Variants in NLGN1 observed in about 807,000 individuals in gnomAD.
NLGN1 encodes the protein neuroligin-1.
In NLGN1, 12 loss-of-function variants were observed where a neutral mutation model predicts 65.5. The ratio of observed to expected loss-of-function variants is 0.18; its 90% confidence interval spans 0.12 to 0.30. The LOEUF is 0.30. Ranked by LOEUF, NLGN1 falls within the 10% of genes least tolerant of loss-of-function variation. The probability of loss-of-function intolerance (pLI) is 1.00; values close to 1 mark genes in which losing one functional copy is unlikely to be tolerated. For synonymous variants in NLGN1, 350 were observed against 359.5 expected (o/e 0.97, Z 0.30); for missense variants, 750 against 1,007.1 (o/e 0.74, Z 3.46).
intron 4 of NLGN1, among the ~76,000 whole-genome samples, chr3:174,042,266 T>C (rs1732505816): frequency 6.6e-6 from 1 of 152,128 alleles, no homozygotes; most frequent in Admixed American, 6.6e-5. Flanking sequence ...TTCTTTTGTG[T>C]GATCTGTTTA....
chr3:173,547,416 T>C (rs1283469654), intron 2 of NLGN1, among the ~76,000 whole-genome samples: 1 of 152,166 alleles, frequency 6.6e-6, no homozygotes, highest in Non-Finnish European at 1.5e-5. Flanking sequence ...CATTATGCCT[T>C]TGATAAATGA....
intron 4 of NLGN1, among the ~76,000 whole-genome samples, chr3:173,840,094 C>G (rs1234477260): frequency 1.3e-5 from 2 of 152,152 alleles, no homozygotes; most frequent in Non-Finnish European, 2.9e-5. Flanking sequence ...ATATGTGACT[C>G]TAAATGCCAT....
At chr3:173,807,097 T>C (rs1358446603) in intron 3 of NLGN1, among the ~76,000 whole-genome samples, 3 of 152,260 alleles carry the variant, frequency 2.0e-5, no homozygotes, top group Admixed American at 1.3e-4. Context: ...ATGACTTTCG[T>C]GCCTAAACAT....
At chr3:173,451,360 G>A (rs9833985) in intron 2 of NLGN1, among the ~76,000 whole-genome samples, 1,589 of 152,252 alleles carry the variant, frequency 0.01, 11 homozygotes, top group Middle Eastern at 0.017. Flanking sequence ...CAGCAGCGGC[G>A]GCTGCAGAAC....
intron 3 of NLGN1, among the ~76,000 whole-genome samples, chr3:173,744,059 A>G (rs73050428): frequency 0.012 from 1,773 of 152,252 alleles, 28 homozygotes; most frequent in African/African-American, 0.038. Context: ...TAAAGATATA[A>G]CATGATATAG....
At chr3:173,842,011 A>G (rs144630878) in intron 4 of NLGN1, among the ~76,000 whole-genome samples, 1,787 of 152,316 alleles carry the variant, frequency 0.012, 10 homozygotes, top group Non-Finnish European at 0.02. Flanking sequence ...TACAAAGGAA[A>G]GTGGTTTAAT....
At chr3:173,956,788 G>T (rs1712172740) in intron 4 of NLGN1, among the ~76,000 whole-genome samples, 1 of 152,100 alleles carries the variant, frequency 6.6e-6, no homozygotes, top group Non-Finnish European at 1.5e-5. Context: ...TTGATAAATA[G>T]CATTAAATAT....
At chr3:174,196,671 C>A (rs1271376016) in intron 4 of NLGN1, among the ~76,000 whole-genome samples, 1 of 152,142 alleles carries the variant, frequency 6.6e-6, no homozygotes, top group Non-Finnish European at 1.5e-5. Context: ...ACAAATATTT[C>A]TAGATTTGTT....
In NLGN1 at chr3:173,813,924, G is replaced by A. The variant is rs1056172546; in HGVS notation, c.646+6092G>A. 2.0e-5 allele frequency among the ~76,000 whole-genome samples: 3 copies of A among 152,308 alleles called. No homozygotes were observed. The Middle Eastern group carries it at 0.01, about 518-fold the overall frequency. On this transcript the variant is annotated intron_variant, in intron 4 of 6. Coordinates refer to ENST00000457714, the Ensembl canonical transcript of NLGN1. Reference sequence around the variant, plus strand: ...ATACAGGAATTGTGTGATAGTCTTCGTGTCATTATAAGATGCAAAAATATT... The same window carrying A: ...ATACAGGAATTGTGTGATAGTCTTCATGTCATTATAAGATGCAAAAATATT...
At chr3:173,943,465 A>G (rs905671625) in intron 4 of NLGN1, among the ~76,000 whole-genome samples, 3 of 152,174 alleles carry the variant, frequency 2.0e-5, no homozygotes, top group African/African-American at 4.8e-5. Flanking sequence ...ACCTAAGTCT[A>G]TAACTCAGCT....
chr3:173,770,470 T>C (rs1484611991), intron 3 of NLGN1, among the ~76,000 whole-genome samples: 1 of 152,202 alleles, frequency 6.6e-6, no homozygotes, highest in East Asian at 1.9e-4. Flanking sequence ...GTCATATGGA[T>C]ACTTAATTAC....
intron 3 of NLGN1, among the ~76,000 whole-genome samples, chr3:173,632,523 G>A (rs557844414): frequency 6.6e-6 from 1 of 152,246 alleles, no homozygotes; most frequent in African/African-American, 2.4e-5. Context: ...CAAAGAATGA[G>A]CATAAATTAA....
chr3:173,728,127 C>T (rs1023956663), intron 3 of NLGN1, among the ~76,000 whole-genome samples: 2 of 152,040 alleles, frequency 1.3e-5, no homozygotes, highest in Admixed American at 6.6e-5. Context: ...GGTGGTTATA[C>T]TCATGTTAGT....
At chr3:173,415,943 A>AGAGAGAGCGAGCGAGC (rs141095727) in intron 1 of NLGN1, among the ~76,000 whole-genome samples, 49 of 142,878 alleles carry the variant, frequency 3.4e-4, no homozygotes, top group South Asian at 2.5e-3. Flanking sequence ...AGAGAGAGAG[A>AGAGAGAGCGAGCGAGC]GCTTGGTATA....
intron 4 of NLGN1, among the ~76,000 whole-genome samples, chr3:174,274,344 A>C (rs1284428267): frequency 1.3e-5 from 2 of 152,038 alleles, no homozygotes; most frequent in East Asian, 3.9e-4. Context: ...AAATGAGTGA[A>C]TATGTTTAAG....
At chr3:174,148,524 C>G (rs1723758733) in intron 4 of NLGN1, among the ~76,000 whole-genome samples, 1 of 152,128 alleles carries the variant, frequency 6.6e-6, no homozygotes, top group Admixed American at 6.6e-5. Context: ...ATCTTTAAAT[C>G]TGTTTTCAGT....
intron 4 of NLGN1, among the ~76,000 whole-genome samples, chr3:173,866,247 T>C (rs1312723587): frequency 6.6e-6 from 1 of 152,092 alleles, no homozygotes; most frequent in Admixed American, 6.6e-5. Context: ...ATGACAGTAA[T>C]TAGATAGGTA....
intron 4 of NLGN1, among the ~76,000 whole-genome samples, chr3:174,103,804 A>G (rs934199041): frequency 1.3e-5 from 2 of 152,102 alleles, no homozygotes; most frequent in Admixed American, 1.3e-4. Flanking sequence ...TTAAATTTCT[A>G]TAAATAGAGT....
At chr3:173,903,319 T>A (rs1268006664) in intron 4 of NLGN1, among the ~76,000 whole-genome samples, 1 of 152,064 alleles carries the variant, frequency 6.6e-6, no homozygotes, top group Non-Finnish European at 1.5e-5. Context: ...ACTCAGCTAC[T>A]GACTGAATGA....
Sources: allele counts gnomAD v4.1 joint callset (sites outside exome capture counted in the v4.1 genomes callset), GRCh38; gene constraint gnomAD v4.1.1; transcripts MANE v1.5; gene names NCBI Gene and HGNC (gene_info 2026-07-23, HGNC 2026-07-21).